The following ATF6 variants were observed in gnomAD, a reference collection of about 807,000 sequenced individuals.
ATF6 encodes cyclic AMP-dependent transcription factor ATF-6 alpha.
A neutral mutation model predicts 83.6 loss-of-function variants in ATF6; 53 were observed. The observed-to-expected ratio is 0.63, with a 90% confidence interval of 0.51 to 0.80. The LOEUF is 0.80. Ranked by LOEUF, ATF6 falls within the 30% of genes least tolerant of loss-of-function variation. ATF6 has a pLI of 0.00. For missense variants in ATF6, 744 were observed against 797.9 expected, an observed-to-expected ratio of 0.93 and a Z score of 0.81; for synonymous variants, 288 against 285.8, an observed-to-expected ratio of 1.01 and a Z score of -0.08.
intron 14 of ATF6, among the ~76,000 whole-genome samples, chr1:161,877,046 T>G (rs1225623200): frequency 6.6e-6 from 1 of 152,096 alleles, no homozygotes; most frequent in Non-Finnish European, 1.5e-5. Context: ...TAGATAGAAG[T>G]TTCAGTAGTG....
chr1:161,937,928 C>T (rs910327391), intron 15 of ATF6, among the ~76,000 whole-genome samples: 1 of 152,020 alleles, frequency 6.6e-6, no homozygotes, highest in African/African-American at 2.4e-5. Flanking sequence ...TCAGAACTTA[C>T]CAGTAGCTTT....
chr1:161,909,392 G>A (rs760455901), intron 14 of ATF6, among the ~76,000 whole-genome samples: 13 of 152,162 alleles, frequency 8.5e-5, no homozygotes, highest in Non-Finnish European at 1.5e-4. Flanking sequence ...AGACCGTGTA[G>A]CCTTATTTGG....
chr1:161,816,118 G>A (rs575585690), intron 7 of ATF6, among the ~76,000 whole-genome samples: 32 of 152,118 alleles, frequency 2.1e-4, no homozygotes, highest in African/African-American at 7.2e-4. Context: ...ATAGTGCAGT[G>A]GCACTCAAAG....
At chr1:161,803,986 T>A (rs1381058698) in intron 7 of ATF6, among the ~76,000 whole-genome samples, 1 of 79,884 alleles carries the variant, frequency 1.3e-5, no homozygotes, top group Non-Finnish European at 2.4e-5. Flanking sequence ...GTGCTATCCC[T>A]CCCCCCTCCC....
At position 161,792,281 on chromosome 1, in the gene ATF6, G is replaced by T. The variant is rs1684900959; in HGVS notation, c.642G>T (p.Leu214Phe). Reference sequence around the variant, plus strand: ...AGACAGTACCAACGCTTATGCCATTGGCAAAGCAGCAACCAATTATCAGTT... The same window carrying T: ...AGACAGTACCAACGCTTATGCCATTTGCAAAGCAGCAACCAATTATCAGTT... ...IIQTVPTLMPLAKQQPIISLQ... is the reference protein window; with the variant it reads ...IIQTVPTLMPFAKQQPIISLQ... Residue 214 changes from leucine (L) to phenylalanine (F), a missense_variant, in exon 6 of 16, where the codon TTG (leucine) becomes TTT (phenylalanine). Physicochemically the swap from Leu to Phe is conservative, Grantham distance 22. Transcript: ENST00000367942. The T allele has an allele frequency of 1.2e-6, 2 of 1,614,058 alleles. No individual in the cohort carries two copies. The highest frequency in any genetic ancestry group is 1.7e-6 in the Non-Finnish European group (2 of 1,180,000).
intron 1 of ATF6, among the ~76,000 whole-genome samples, chr1:161,776,701 G>A (rs1684521959): frequency 2.0e-5 from 3 of 152,184 alleles, no homozygotes; most frequent in African/African-American, 4.8e-5. Context: ...GTTTGGTGGG[G>A]TTGATGAGGA....
intron 10 of ATF6, among the ~76,000 whole-genome samples, chr1:161,849,347 G>C (rs1244592698): frequency 6.6e-6 from 1 of 152,092 alleles, no homozygotes; most frequent in African/African-American, 2.4e-5. Flanking sequence ...GAATATTCCT[G>C]GTGCAAGTTG....
chr1:161,900,521 T>C (rs1235687029), intron 14 of ATF6, among the ~76,000 whole-genome samples: 1 of 152,128 alleles, frequency 6.6e-6, no homozygotes, highest in African/African-American at 2.4e-5. Context: ...TCTACATCAT[T>C]ATATTACTAG....
At chr1:161,882,609 A>G (rs543274056) in intron 14 of ATF6, among the ~76,000 whole-genome samples, 2 of 152,218 alleles carry the variant, frequency 1.3e-5, no homozygotes, top group East Asian at 3.9e-4. Context: ...AGTATTGTGC[A>G]GTCTTATTCA....
chr1:161,896,902 G>T (rs1368187404), intron 14 of ATF6, among the ~76,000 whole-genome samples: 1 of 152,132 alleles, frequency 6.6e-6, no homozygotes, highest in Non-Finnish European at 1.5e-5. Flanking sequence ...ACAAAACAAG[G>T]TCTAGAAGTC....
intron 1 of ATF6, among the ~76,000 whole-genome samples, chr1:161,773,421 G>A (rs1186522692): frequency 1.3e-5 from 2 of 152,006 alleles, no homozygotes; most frequent in Non-Finnish European, 2.9e-5. Context: ...GATTACAGGC[G>A]TCAGCCACTA....
At chr1:161,902,587 G>C (rs1362808123) in intron 14 of ATF6, among the ~76,000 whole-genome samples, 4 of 152,168 alleles carry the variant, frequency 2.6e-5, no homozygotes, top group Non-Finnish European at 5.9e-5. Context: ...ACCTGAAAGG[G>C]TCTTAGAGAT....
chr1:161,866,688 G>T (rs1571201820), intron 14 of ATF6, among the ~76,000 whole-genome samples: 1 of 152,182 alleles, frequency 6.6e-6, no homozygotes, highest in East Asian at 1.9e-4. Context: ...GTCACTTTGA[G>T]TGTAGAATAA....
rs549754533 is a variant in ATF6, at chr1:161,860,108, G to A, written c.1534-99G>A. 4.5e-6 allele frequency: 3 copies of A among 668,506 alleles called. No individual in the cohort carries two copies. The South Asian group carries it at 1.1e-4, about 24-fold the overall frequency. 41.4% of individuals were successfully genotyped at this position (668,506 alleles called of 1,614,324 possible). ...TGAATATGTCAGAAATCTTAGCAATGGAAGTTTAACAAATTTAAGTATAGA... is the reference window on the plus strand; with the variant it reads ...TGAATATGTCAGAAATCTTAGCAATAGAAGTTTAACAAATTTAAGTATAGA... On this transcript the variant is annotated intron_variant, in intron 12 of 15. Coordinates refer to ENST00000367942, the MANE Select transcript of ATF6 (RefSeq NM_007348.4).
intron 2 of ATF6, among the ~76,000 whole-genome samples, chr1:161,780,669 G>C (rs554382814): frequency 3.3e-5 from 5 of 151,990 alleles, no homozygotes; most frequent in Non-Finnish European, 7.4e-5. Context: ...CACTGCACCC[G>C]GCCGAGGTGT....
In ATF6 at chr1:161,955,224, A is replaced by T. The variant is rs141865033; in HGVS notation, c.1805-3222A>T. 5.5e-4 allele frequency among the ~76,000 whole-genome samples: 83 copies of T among 152,276 alleles called. 1 individual carries two copies. In the East Asian group the frequency reaches 0.014, roughly 27 times the overall value. ...CATATCCCTGCCTGTGTTTTCCTTC[A>T]GGAGACCTTCCTTTCCTTCCTATCT... On this transcript the variant is annotated intron_variant, in intron 15 of 15. Coordinates refer to ENST00000367942, the MANE Select transcript of ATF6 (RefSeq NM_007348.4).
chr1:161,847,681 A>C (rs1212103514), intron 10 of ATF6, among the ~76,000 whole-genome samples: 1 of 152,114 alleles, frequency 6.6e-6, no homozygotes, highest in Non-Finnish European at 1.5e-5. Flanking sequence ...AATTTTCATA[A>C]GTAATTTGTG....
At chr1:161,915,360 A>T (rs1395461783) in intron 15 of ATF6, among the ~76,000 whole-genome samples, 1 of 152,192 alleles carries the variant, frequency 6.6e-6, no homozygotes, top group Non-Finnish European at 1.5e-5. Flanking sequence ...ACCTTCCTCT[A>T]AGAGTTGATG....
intron 1 of ATF6, among the ~76,000 whole-genome samples, chr1:161,766,824 G>A (rs994503589): frequency 2.0e-5 from 3 of 152,154 alleles, no homozygotes; most frequent in African/African-American, 7.2e-5. Flanking sequence ...CAATGGAGTG[G>A]GTTTTTGTGT....
Sources: gnomAD v4.1 joint callset for allele counts (sites outside exome capture counted in the v4.1 genomes callset) on GRCh38, gnomAD v4.1.1 for gene constraint, MANE v1.5 for transcripts, NCBI Gene and HGNC (gene_info 2026-07-23, HGNC 2026-07-21) for gene names.